DNAH3: variants seen among roughly 807,000 people sequenced by gnomAD.
DNAH3 encodes axonemal beta dynein heavy chain 3.
DNAH3 carries 332 observed loss-of-function variants against 432.5 expected under a neutral mutation model. The observed-to-expected ratio is 0.77, with a 90% CI of 0.70 to 0.84. The LOEUF (loss-of-function observed/expected upper bound fraction) is 0.84. Ranked by LOEUF, DNAH3 falls within the 40% of genes least tolerant of loss-of-function variation. DNAH3 has a pLI of 0.00. For missense variants in DNAH3, 4,861 were observed against 5,114.0 expected (o/e 0.95, Z 1.51); for synonymous variants, 1,956 against 1,900.2 (o/e 1.03, Z -0.76).
chr16:20,987,721 A>G, exon 46 of DNAH3: 2 of 1,614,120 alleles, frequency 1.2e-6, no homozygotes, highest in Non-Finnish European at 8.5e-7. Context: ...GCACAGCAGG[A>G]CCCCTTGAAT....
At chr16:21,028,175 T>C (rs2088668611) in intron 37 of DNAH3, among the ~76,000 whole-genome samples, 1 of 152,006 alleles carries the variant, frequency 6.6e-6, no homozygotes, top group Non-Finnish European at 1.5e-5. Context: ...TTGTTTTTTG[T>C]TTTTAGATTA....
At chr16:20,967,959 A>T (rs1434191547) in intron 52 of DNAH3, among the ~76,000 whole-genome samples, 2 of 152,100 alleles carry the variant, frequency 1.3e-5, no homozygotes, top group Admixed American at 1.3e-4. Flanking sequence ...TTGCTTGACT[A>T]TTCCTGATGA....
intron 44 of DNAH3, among the ~76,000 whole-genome samples, chr16:20,995,875 A>C (rs998917418): frequency 6.6e-6 from 1 of 152,130 alleles, no homozygotes; most frequent in Non-Finnish European, 1.5e-5. Context: ...CTCCTCTCAC[A>C]TGGGCCAGCA....
intron 58 of DNAH3, 152 bp from the exon 59 acceptor site, chr16:20,941,695 T>A: frequency 1.1e-6 from 1 of 944,740 alleles, no homozygotes; most frequent in Non-Finnish European, 1.6e-6. Flanking sequence ...CTGCCTCCAG[T>A]GGGGAAAGGA....
At chr16:21,071,625 T>C (rs2090785331) in intron 21 of DNAH3, among the ~76,000 whole-genome samples, 2 of 152,056 alleles carry the variant, frequency 1.3e-5, no homozygotes, top group African/African-American at 2.4e-5. Context: ...AGGTGGCTCA[T>C]GCCCATAATC....
At chr16:21,072,242 T>TTTA (rs1451975588) in intron 21 of DNAH3, among the ~76,000 whole-genome samples, 1 of 150,934 alleles carries the variant, frequency 6.6e-6, no homozygotes, top group Non-Finnish European at 1.5e-5. Flanking sequence ...AATTAATTAA[T>TTTA]TTTAATTTTA....
intron 7 of DNAH3, among the ~76,000 whole-genome samples, chr16:21,131,727 G>T (rs2152821292): frequency 6.6e-6 from 1 of 151,952 alleles, no homozygotes; most frequent in East Asian, 1.9e-4. Context: ...GGTGGCACAT[G>T]CCTGTAATCC....
chr16:21,139,320 CTTTTTTTT>C (rs9302391), intron 5 of DNAH3, among the ~76,000 whole-genome samples: 14 of 29,628 alleles, frequency 4.7e-4, no homozygotes, highest in South Asian at 2.8e-3. Context: ...TTTCCTCATG[CTTTTTTTT>C]TTTTTTTTTT....
chr16:21,004,221 A>T (rs2087164967), intron 41 of DNAH3, among the ~76,000 whole-genome samples: 1 of 152,226 alleles, frequency 6.6e-6, no homozygotes, highest in South Asian at 2.1e-4. Flanking sequence ...TTAAAAAATG[A>T]AAGTAAGGAG....
rs935422151 is a variant in DNAH3, at chr16:21,106,355, T to C, written c.2284+135A>G. On this transcript the variant is annotated intron_variant, in intron 15 of 61. Transcript: ENST00000261383. ...CTTTTATATTTAGTGGTAGAATTCA[T>C]ATAACTATCCTTTTGCTCAACACTT... 3.9e-5 allele frequency: 30 copies of C among 760,962 alleles called. 1 individual carries two copies. In the South Asian group the frequency reaches 1.2e-3, roughly 32 times the overall value. The allele number at this position is 760,962 out of a possible 1,614,324, so 47.1% of individuals were successfully genotyped here.
intron 44 of DNAH3, among the ~76,000 whole-genome samples, chr16:20,990,505 C>T (rs1199702451): frequency 6.6e-6 from 1 of 152,122 alleles, no homozygotes; most frequent in Non-Finnish European, 1.5e-5. Context: ...ACATTTTAAT[C>T]GTGCTAAAAA....
intron 14 of DNAH3, among the ~76,000 whole-genome samples, chr16:21,108,524 G>A (rs568355483): frequency 1.3e-5 from 2 of 151,466 alleles, no homozygotes; most frequent in South Asian, 4.2e-4. Context: ...TGGGAGTATT[G>A]CTTGAGCCAG....
chr16:21,111,914 C>T, intron 13 of DNAH3, 79 bp downstream of exon 13: 1 of 1,551,908 alleles, frequency 6.4e-7, no homozygotes. Flanking sequence ...GGTCTATGCA[C>T]CAAAGAGACA....
At chr16:20,972,770 T>G (rs1016022823) in intron 51 of DNAH3, among the ~76,000 whole-genome samples, 2 of 118,936 alleles carry the variant, frequency 1.7e-5, no homozygotes, top group African/African-American at 3.4e-5. Flanking sequence ...TTTTGGTCAC[T>G]CAGGCTGGAG....
intron 54 of DNAH3, among the ~76,000 whole-genome samples, chr16:20,956,727 AATTT>A (rs1447085691): frequency 6.6e-6 from 1 of 151,532 alleles, no homozygotes; most frequent in East Asian, 1.9e-4. Flanking sequence ...TTTGTTTTTT[AATTT>A]ATTTATGTTT....
At chr16:21,072,481 C>T (rs1042976754) in intron 21 of DNAH3, among the ~76,000 whole-genome samples, 7 of 152,024 alleles carry the variant, frequency 4.6e-5, no homozygotes, top group Admixed American at 3.9e-4. Context: ...CAAGCACCAC[C>T]ACACCGGGCT....
intron 36 of DNAH3, 37 bp downstream of exon 36, chr16:21,033,937 T>A: frequency 6.7e-7 from 1 of 1,485,988 alleles, no homozygotes; most frequent in South Asian, 1.1e-5. Context: ...GAGCGAGGAG[T>A]TCTGTCCTCC....
exon 15 of DNAH3, chr16:21,106,534 G>A (rs2091951168): frequency 6.2e-7 from 1 of 1,611,848 alleles, no homozygotes; most frequent in Admixed American, 1.7e-5. Flanking sequence ...CCGTTCACTT[G>A]CATCTCTAAG....
chr16:20,942,715 G>C (rs2083871474), intron 58 of DNAH3, among the ~76,000 whole-genome samples: 1 of 152,144 alleles, frequency 6.6e-6, no homozygotes, highest in Admixed American at 6.5e-5. Flanking sequence ...CTGGAAGCCG[G>C]TCACTTTCTC....
Sources: allele counts gnomAD v4.1 joint callset (sites outside exome capture counted in the v4.1 genomes callset), GRCh38; gene constraint gnomAD v4.1.1; transcripts MANE v1.5; gene names NCBI Gene and HGNC (gene_info 2026-07-23, HGNC 2026-07-21).